ADAM12: variants seen among roughly 807,000 people sequenced by gnomAD.
ADAM12 encodes the protein disintegrin and metalloproteinase domain-containing protein 12.
A neutral mutation model predicts 106.4 loss-of-function variants in ADAM12; 70 were observed. The observed-to-expected ratio is 0.66, with a 90% CI of 0.54 to 0.80. The LOEUF (loss-of-function observed/expected upper bound fraction) is 0.80, where lower values mean the gene tolerates loss of function less well. Ranked by LOEUF, ADAM12 falls within the 30% of genes least tolerant of loss-of-function variation. The pLI, the probability that ADAM12 is intolerant of heterozygous loss-of-function variation, is 0.00. For synonymous variants in ADAM12, 420 were observed against 433.5 expected (o/e 0.97, Z 0.39); for missense variants, 1,010 against 1,171.9 (o/e 0.86, Z 2.02).
chr10:126,086,666 AAAAAAAAAAAAAAAAT>A lies in ADAM12; in HGVS notation c.1145+7303_1145+7318del, dbSNP rs1416752631. On this transcript the variant is annotated intron_variant, in intron 11 of 22. Coordinates refer to ENST00000448723, the MANE Select transcript of ADAM12 (RefSeq NM_001288973.2). ...GACTCTGCCTCAAAAAAAAAAAAAA[AAAAAAAAAAAAAAAAT>A]ATATATATATATATATATATATATA... Among the ~76,000 whole-genome samples the A allele has an allele frequency of 2.8e-4, 14 of 50,338 alleles. 1 individual carries two copies. Among genetic ancestry groups the A allele is most frequent in the African/African-American group, 2.3e-3 (14 of 6,032 alleles). 33.0% of individuals were successfully genotyped at this position (50,338 alleles called of 152,430 possible). A position where few individuals can be genotyped will look rare whatever the true frequency, so the allele number is the denominator to read the frequency against.
chr10:126,093,501 T>G (rs1955502940), intron 11 of ADAM12, among the ~76,000 whole-genome samples: 1 of 152,122 alleles, frequency 6.6e-6, no homozygotes, highest in African/African-American at 2.4e-5. Context: ...GCTACCGACT[T>G]CAGAGACACC....
intron 3 of ADAM12, among the ~76,000 whole-genome samples, chr10:126,157,839 GC>G (rs34803664): frequency 0.47 from 70,689 of 151,782 alleles, 17,486 homozygotes; most frequent in South Asian, 0.64. Context: ...GCCCTGTCAC[GC>G]AGTCATGAGC....
intron 3 of ADAM12, among the ~76,000 whole-genome samples, chr10:126,229,069 C>A (rs981155653): frequency 1.3e-5 from 2 of 152,178 alleles, no homozygotes; most frequent in South Asian, 2.1e-4. Flanking sequence ...GAGATGACCA[C>A]GCTAATGGAA....
At chr10:126,218,327 C>T (rs1403208054) in intron 3 of ADAM12, among the ~76,000 whole-genome samples, 2 of 152,122 alleles carry the variant, frequency 1.3e-5, no homozygotes, top group African/African-American at 4.8e-5. Context: ...CTATGTTGTT[C>T]ACCTAACTCC....
At chr10:126,232,734 G>A (rs1958336546) in intron 3 of ADAM12, among the ~76,000 whole-genome samples, 1 of 152,186 alleles carries the variant, frequency 6.6e-6, no homozygotes, top group African/African-American at 2.4e-5. Flanking sequence ...AGCAAAACGA[G>A]TGACTTGTGA....
intron 21 of ADAM12, among the ~76,000 whole-genome samples, chr10:126,020,501 T>C (rs911559543): frequency 2.0e-5 from 3 of 152,146 alleles, no homozygotes; most frequent in East Asian, 1.9e-4. Context: ...CCACGCTAGG[T>C]TTTAGCCAAA....
intron 5 of ADAM12, among the ~76,000 whole-genome samples, chr10:126,119,172 T>A (rs1210129788): frequency 1.3e-5 from 2 of 152,212 alleles, no homozygotes; most frequent in Non-Finnish European, 2.9e-5. Context: ...TTCAGCTCTT[T>A]CTGGAATCAA....
intron 4 of ADAM12, 119 bp downstream of exon 4, chr10:126,155,108 T>C: frequency 1.8e-6 from 2 of 1,121,774 alleles, no homozygotes; most frequent in South Asian, 2.8e-5. Flanking sequence ...CCAGCGCTTC[T>C]TGGGGGGGCC....
intron 3 of ADAM12, among the ~76,000 whole-genome samples, chr10:126,270,291 G>A (rs549444058): frequency 1.3e-5 from 2 of 152,320 alleles, no homozygotes; most frequent in South Asian, 4.1e-4. Context: ...TAGGCAAGCT[G>A]AAGAGGTGTG....
chr10:126,192,411 C>T (rs762944893), intron 3 of ADAM12, among the ~76,000 whole-genome samples: 9 of 152,148 alleles, frequency 5.9e-5, no homozygotes, highest in Non-Finnish European at 1.2e-4. Context: ...TGCAAAGGGA[C>T]ACAGGGACAT....
intron 3 of ADAM12, among the ~76,000 whole-genome samples, chr10:126,177,545 A>G (rs1391233679): frequency 6.6e-6 from 1 of 152,198 alleles, no homozygotes; most frequent in African/African-American, 2.4e-5. Context: ...CTGACTCCAG[A>G]ATCAGTTTCA....
chr10:126,083,444 T>A (rs1402033646), intron 11 of ADAM12, among the ~76,000 whole-genome samples: 1 of 152,216 alleles, frequency 6.6e-6, no homozygotes, highest in Non-Finnish European at 1.5e-5. Flanking sequence ...CAAATGGCTA[T>A]GCCAGCAGCA....
chr10:126,367,786 A>T (rs4638224), intron 1 of ADAM12, among the ~76,000 whole-genome samples: 4 of 152,062 alleles, frequency 2.6e-5, no homozygotes, highest in Admixed American at 2.6e-4. Flanking sequence ...GTTAACTCAG[A>T]TGACATGGAC....
In ADAM12 at chr10:126,367,130, C is replaced by T. The variant is rs576983770; in HGVS notation, c.88+20928G>A. Among the ~76,000 whole-genome samples the T allele has an allele frequency of 1.3e-3, 200 of 152,036 alleles. 1 individual carries two copies. Among genetic ancestry groups the T allele is most frequent in the African/African-American group, 4.7e-3 (194 of 41,510 alleles). ...ACAGCAGATTTTACATTCCTTTCAA[C>T]CATTCATGGAATATCCATCAATAAA... On this transcript the variant is annotated intron_variant, in intron 1 of 22. Transcript: ENST00000448723.
chr10:126,242,774 G>A (rs993614086), intron 3 of ADAM12, among the ~76,000 whole-genome samples: 8 of 152,184 alleles, frequency 5.3e-5, no homozygotes, highest in Admixed American at 4.6e-4. Flanking sequence ...CACATCTGGG[G>A]AGAAAGAAGT....
At chr10:126,348,963 T>G (rs1264936770) in intron 1 of ADAM12, among the ~76,000 whole-genome samples, 1 of 152,240 alleles carries the variant, frequency 6.6e-6, no homozygotes, top group Non-Finnish European at 1.5e-5. Flanking sequence ...CCTAGGTCCA[T>G]GCTTCCTTGA....
At chr10:126,110,142 TAAAC>T (rs1955844022) in intron 6 of ADAM12, among the ~76,000 whole-genome samples, 2 of 152,032 alleles carry the variant, frequency 1.3e-5, no homozygotes, top group Admixed American at 1.3e-4. Flanking sequence ...AACGAGCACA[TAAAC>T]AAACAAAACC....
At chr10:126,085,980 G>A (rs1727014779) in intron 11 of ADAM12, among the ~76,000 whole-genome samples, 1 of 152,206 alleles carries the variant, frequency 6.6e-6, no homozygotes, top group African/African-American at 2.4e-5. Flanking sequence ...TGTGCCTGGG[G>A]AGAGGAGGAA....
chr10:126,036,746 G>A (rs1046052464), intron 20 of ADAM12, among the ~76,000 whole-genome samples: 11 of 152,108 alleles, frequency 7.2e-5, no homozygotes, highest in Non-Finnish European at 7.4e-5. Flanking sequence ...GGAGAGTTGC[G>A]GCTTCAGGAA....
Sources: gnomAD v4.1 joint callset for allele counts (sites outside exome capture counted in the v4.1 genomes callset) on GRCh38, gnomAD v4.1.1 for gene constraint, MANE v1.5 for transcripts, NCBI Gene and HGNC (gene_info 2026-07-23, HGNC 2026-07-21) for gene names.